KPNA3: variants seen among roughly 807,000 people sequenced by gnomAD.
KPNA3 encodes karyopherin subunit alpha 3.
KPNA3 carries 13 observed loss-of-function variants against 73.8 expected under a neutral mutation model. The ratio of observed to expected loss-of-function variants is 0.18; its 90% CI spans 0.11 to 0.28. The LOEUF is 0.28. Among genes scored for constraint, KPNA3 ranks in the 10% least tolerant of loss-of-function variants. The pLI is 1.00. For missense variants in KPNA3, 360 were observed against 618.1 expected (o/e 0.58, Z 4.43); for synonymous variants, 186 against 206.9 (o/e 0.90, Z 0.87).
At chr13:49,775,162 C>CAAAAAAAAAAAAAAAAAAAAAAAAAAA (rs60494803) in intron 1 of KPNA3, among the ~76,000 whole-genome samples, 1 of 93,062 alleles carries the variant, frequency 1.1e-5, no homozygotes, top group Non-Finnish European at 2.0e-5. Context: ...GACTCTGTCT[C>CAAAAAAAAAAAAAAAAAAAAAAAAAAA]AAAAAAAAAA....
intron 8 of KPNA3, 21 bp from the exon 9 acceptor site, chr13:49,722,145 T>C: frequency 6.8e-7 from 1 of 1,476,774 alleles, no homozygotes; most frequent in Non-Finnish European, 9.0e-7. Flanking sequence ...GAAAATTATA[T>C]TTAAAAAAAA....
rs141253451 is a variant in KPNA3, at chr13:49,705,666, C to T, written c.1327G>A (p.Gly443Ser). 1.6e-5 allele frequency: 26 copies of T among 1,613,908 alleles called. No homozygotes were observed. The highest frequency in any genetic ancestry group is 1.5e-4 in the African/African-American group (11 of 74,904). ...TCAGCTATTGTGCTTGCTTCATCACCGGCCATTATCAGAATGTTTTTTAGA... is the reference window on the plus strand; with the variant it reads ...TCAGCTATTGTGCTTGCTTCATCACTGGCCATTATCAGAATGTTTTTTAGA... ...DGLKNILIMA[G>S]DEASTIAEII... Residue 443 changes from glycine to serine, a missense_variant, in exon 15 of 17, where the codon GGT becomes AGT. By Grantham distance (56) the Gly-to-Ser change is moderately conservative. This residue lies in a region of KPNA3 where 287 missense variants were observed against 549.1 expected (regional missense o/e 0.52). Coordinates refer to ENST00000261667, the MANE Select transcript of KPNA3 (RefSeq NM_002267.4).
At chr13:49,718,042 G>A (rs1017194516) in intron 10 of KPNA3, among the ~76,000 whole-genome samples, 2 of 152,010 alleles carry the variant, frequency 1.3e-5, no homozygotes, top group Non-Finnish European at 2.9e-5. Context: ...TGTGATCATG[G>A]TATGAAAAAG....
At chr13:49,704,597 T>C (rs1469384378) in intron 15 of KPNA3, among the ~76,000 whole-genome samples, 1 of 152,016 alleles carries the variant, frequency 6.6e-6, no homozygotes, top group African/African-American at 2.4e-5. Flanking sequence ...GTCAATGAAA[T>C]GTAAAATCTA....
chr13:49,704,424 AAATAAATAAAAAAT>A (rs1566330743), intron 15 of KPNA3, among the ~76,000 whole-genome samples: 1,140 of 101,358 alleles, frequency 0.011, 27 homozygotes, highest in South Asian at 0.032. Flanking sequence ...AAAAAAAAAT[AAATAAATAAAAAAT>A]AAATAAATAA....
At chr13:49,726,724 C>T (rs976875982) in intron 6 of KPNA3, among the ~76,000 whole-genome samples, 4 of 152,016 alleles carry the variant, frequency 2.6e-5, no homozygotes, top group Non-Finnish European at 4.4e-5. Flanking sequence ...AGGCAGATCG[C>T]TTGAGCCAAA....
At chr13:49,718,387 G>T (rs1954324762) in intron 10 of KPNA3, among the ~76,000 whole-genome samples, 1 of 152,122 alleles carries the variant, frequency 6.6e-6, no homozygotes, top group Non-Finnish European at 1.5e-5. Flanking sequence ...TGCTAAACTT[G>T]ACTAATATAC....
In KPNA3 at chr13:49,759,003, G is replaced by C. The variant is rs114282306; in HGVS notation, c.70-12010C>G. Among the ~76,000 whole-genome samples, 1,184 of 152,134 alleles carry C rather than the reference G, an allele frequency of 7.8e-3. 15 individuals are homozygous for C. Among genetic ancestry groups the C allele is most frequent in the African/African-American group, 0.027 (1,120 of 41,498 alleles). On this transcript the variant is annotated intron_variant, in intron 1 of 16. Transcript: ENST00000261667. ...ATATCTTAACATACCAAATATCAAA[G>C]ATATTTACGAGACTAGAGTCTTGTA...
chr13:49,736,280 G>T (rs550567453), intron 2 of KPNA3, among the ~76,000 whole-genome samples: 1 of 152,188 alleles, frequency 6.6e-6, no homozygotes, highest in East Asian at 1.9e-4. Flanking sequence ...TGACTACATG[G>T]ATATTCACCC....
intron 1 of KPNA3, among the ~76,000 whole-genome samples, chr13:49,780,790 G>A (rs992445902): frequency 6.7e-6 from 1 of 149,590 alleles, no homozygotes; most frequent in Non-Finnish European, 1.5e-5. Flanking sequence ...GTGCAATCTC[G>A]GCTCACTGCA....
intron 1 of KPNA3, 149 bp from the exon 2 acceptor site, chr13:49,747,142 A>C: frequency 1.9e-6 from 1 of 519,252 alleles, no homozygotes; most frequent in Admixed American, 3.7e-5. Context: ...AGGAGTTCAA[A>C]ACCAGCTTGG....
At position 49,706,262 on chromosome 13, in the gene KPNA3, A is replaced by G; in HGVS notation, c.1137+6T>C. ...ACAGACACGGTGAACTCATAATATG[A>G]CCAACCTTAGCAAGCTGATGAATTA... is the stretch of plus-strand genomic sequence containing the variant. On this transcript the variant is annotated splice_donor_region_variant and intron_variant, in intron 13 of 16. Transcript: ENST00000261667. The G allele has an allele frequency of 6.2e-7, 1 of 1,613,118 alleles. No individual in the cohort carries two copies. The highest frequency in any genetic ancestry group is 1.1e-5 in the South Asian group (1 of 90,926).
intron 2 of KPNA3, among the ~76,000 whole-genome samples, chr13:49,733,282 GT>G (rs760449062): frequency 3.4e-3 from 339 of 100,900 alleles, no homozygotes; most frequent in Admixed American, 0.01. Flanking sequence ...CCACTGTGGT[GT>G]TTTTTTTTTT....
chr13:49,792,390 G>T, intron 1 of KPNA3, 48 bp downstream of exon 1: 2 of 1,424,700 alleles, frequency 1.4e-6, no homozygotes, highest in African/African-American at 3.0e-5. Context: ...TCCCCGCGTC[G>T]CCGGGCCGGC....
At chr13:49,774,266 TG>T (rs1261086817) in intron 1 of KPNA3, among the ~76,000 whole-genome samples, 3 of 152,096 alleles carry the variant, frequency 2.0e-5, no homozygotes, top group African/African-American at 7.2e-5. Context: ...AATAAATTAA[TG>T]GATTCTTTAA....
At chr13:49,767,260 C>A (rs1243650410) in intron 1 of KPNA3, among the ~76,000 whole-genome samples, 2 of 151,214 alleles carry the variant, frequency 1.3e-5, no homozygotes, top group African/African-American at 4.9e-5. Context: ...CTACTAAAAA[C>A]ACAAAAACTA....
At chr13:49,788,051 CACTT>C (rs1173087974) in intron 1 of KPNA3, among the ~76,000 whole-genome samples, 1 of 152,138 alleles carries the variant, frequency 6.6e-6, no homozygotes. Flanking sequence ...GACTTAAGGC[CACTT>C]ACTTAAGGGT....
chr13:49,725,522 A>T lies in KPNA3; in HGVS notation c.384-21T>A, dbSNP rs747682348. ...AAGGACTGTAAAAAAACAATAACACATCTTTTTAGACACATAACTACCACT... is the reference window on the plus strand; with the variant it reads ...AAGGACTGTAAAAAAACAATAACACTTCTTTTTAGACACATAACTACCACT... On this transcript the variant is annotated intron_variant, in intron 6 of 16. Coordinates refer to ENST00000261667, the MANE Select transcript of KPNA3 (RefSeq NM_002267.4). 2.7e-6 allele frequency: 4 copies of T among 1,464,112 alleles called. No individual in the cohort carries two copies. In the Admixed American group the frequency reaches 5.1e-5, roughly 19 times the overall value. 90.7% of individuals were successfully genotyped at this position (1,464,112 alleles called of 1,614,324 possible).
chr13:49,715,344 A>G (rs1441022448), intron 10 of KPNA3, among the ~76,000 whole-genome samples: 1 of 152,192 alleles, frequency 6.6e-6, no homozygotes, highest in African/African-American at 2.4e-5. Context: ...AAAAACAGAC[A>G]TTAAATATGA....
Sources: allele counts gnomAD v4.1 joint callset (sites outside exome capture counted in the v4.1 genomes callset), GRCh38; gene constraint gnomAD v4.1.1; regional missense constraint gnomAD v4.1.1; transcripts MANE v1.5; gene names NCBI Gene and HGNC (gene_info 2026-07-23, HGNC 2026-07-21).